The following ARNT2 variants were observed in gnomAD, a reference collection of about 807,000 sequenced individuals.
ARNT2 encodes ARNT protein 2.
ARNT2 carries 36 observed loss-of-function variants against 91.7 expected under a neutral mutation model. That is an observed-to-expected ratio of 0.39 (90% CI 0.30 to 0.52). The LOEUF (loss-of-function observed/expected upper bound fraction) is 0.52, where lower values mean the gene tolerates loss of function less well. Ranked by LOEUF, ARNT2 falls within the 20% of genes least tolerant of loss-of-function variation. The pLI is 0.72. For missense variants in ARNT2, 775 were observed against 939.3 expected, an observed-to-expected ratio of 0.83 and a Z score of 2.29; for synonymous variants, 365 against 347.1, an observed-to-expected ratio of 1.05 and a Z score of -0.57.
chr15:80,539,032 T>G (rs1028596825), intron 8 of ARNT2, among the ~76,000 whole-genome samples: 10 of 152,058 alleles, frequency 6.6e-5, no homozygotes, highest in Admixed American at 5.9e-4. Context: ...TCTTTTGTAT[T>G]TTTTTAATGA....
chr15:80,566,747 C>T (rs1250416128), intron 12 of ARNT2, among the ~76,000 whole-genome samples: 1 of 152,228 alleles, frequency 6.6e-6, no homozygotes, highest in Non-Finnish European at 1.5e-5. Flanking sequence ...AAACTCTGTC[C>T]AACCAGCTCC....
chr15:80,552,611 ACCT>A, intron 9 of ARNT2, 26 bp from the exon 10 acceptor site: 1 of 1,610,970 alleles, frequency 6.2e-7, no homozygotes, highest in Non-Finnish European at 8.5e-7. Flanking sequence ...TGTCAACACC[ACCT>A]CAACTGTGGA....
chr15:80,411,101 CT>C (rs1225413420), intron 1 of ARNT2, among the ~76,000 whole-genome samples: 6 of 152,182 alleles, frequency 3.9e-5, no homozygotes, highest in African/African-American at 1.4e-4. Context: ...TACTTTTCTT[CT>C]GGTCTCAGCT....
At position 80,475,217 on chromosome 15, in the gene ARNT2, A is replaced by G. The variant is rs1427790280; in HGVS notation, c.616A>G (p.Met206Val). 6.2e-7 allele frequency: 1 copy of G among 1,613,928 alleles called. No individual in the cohort carries two copies. The highest frequency in any genetic ancestry group is 1.1e-5 in the South Asian group (1 of 91,068). The change falls in exon 5 of 19, where the codon ATG (methionine) becomes GTG (valine). Residue 206 changes from methionine (M) to valine (V), a missense_variant. Physicochemically the swap from Met to Val is conservative, Grantham distance 21. This residue lies in a region of ARNT2 where 285 missense variants were observed against 327.2 expected (regional missense o/e 0.87). Coordinates refer to ENST00000303329, the MANE Select transcript of ARNT2 (RefSeq NM_014862.4). Reference sequence around the variant, plus strand: ...GCAACTGTGCACCTCAGAAAACTCAATGACAGGTCAGTGGAGCTCCCTTTA... The same window carrying G: ...GCAACTGTGCACCTCAGAAAACTCAGTGACAGGTCAGTGGAGCTCCCTTTA... ...REQLCTSENS[M>V]TGRILDLKTG...
intron 11 of ARNT2, among the ~76,000 whole-genome samples, chr15:80,562,689 A>G (rs1220839668): frequency 1.3e-5 from 2 of 152,220 alleles, no homozygotes; most frequent in African/African-American, 2.4e-5. Flanking sequence ...ATGTAGCTAC[A>G]TACCTGAGTG....
chr15:80,512,120 C>T (rs1256946173), intron 6 of ARNT2, among the ~76,000 whole-genome samples: 1 of 152,162 alleles, frequency 6.6e-6, no homozygotes, highest in African/African-American at 2.4e-5. Context: ...TCTATTTTCC[C>T]TAATTTAAAG....
intron 17 of ARNT2, among the ~76,000 whole-genome samples, chr15:80,587,406 TG>T (rs746838241): frequency 1.3e-5 from 2 of 150,092 alleles, no homozygotes; most frequent in African/African-American, 2.4e-5. Context: ...CTTGGTTTGG[TG>T]GGGGGGTGGG....
At chr15:80,449,356 G>A (rs780651860) in intron 1 of ARNT2, among the ~76,000 whole-genome samples, 15 of 152,138 alleles carry the variant, frequency 9.9e-5, no homozygotes, top group Non-Finnish European at 2.2e-4. Flanking sequence ...GGGACATAAT[G>A]GACTCAATGT....
At position 80,423,106 on chromosome 15, in the gene ARNT2, TCTTTG is replaced by T. The variant is rs973570700; in HGVS notation, c.31+18566_31+18570del. On this transcript the variant is annotated intron_variant, in intron 1 of 18. Coordinates refer to ENST00000303329, the MANE Select transcript of ARNT2 (RefSeq NM_014862.4). ...TGTGACTTCAGGCAGGTTCTTAGCCTCTTTGCTTTGATGTCTTGTAAAATGAGAAT... is the reference window on the plus strand; with the variant it reads ...TGTGACTTCAGGCAGGTTCTTAGCCTCTTTGATGTCTTGTAAAATGAGAAT... Among the ~76,000 whole-genome samples the T allele has an allele frequency of 3.3e-5, 5 of 152,336 alleles. No individual in the cohort carries two copies. The South Asian group carries it at 8.3e-4, about 25-fold the overall frequency.
chr15:80,414,623 T>C (rs1385936868), intron 1 of ARNT2, among the ~76,000 whole-genome samples: 2 of 152,228 alleles, frequency 1.3e-5, no homozygotes, highest in Admixed American at 1.3e-4. Flanking sequence ...TAGAACAGCA[T>C]TGATGTTTCT....
chr15:80,474,007 T>C (rs1896767031), intron 4 of ARNT2, among the ~76,000 whole-genome samples: 1 of 152,120 alleles, frequency 6.6e-6, no homozygotes, highest in Non-Finnish European at 1.5e-5. Flanking sequence ...GTTGGAAGGG[T>C]GGCCATGGAT....
At chr15:80,498,511 A>C (rs1309466404) in intron 5 of ARNT2, among the ~76,000 whole-genome samples, 1 of 152,212 alleles carries the variant, frequency 6.6e-6, no homozygotes, top group Admixed American at 6.5e-5. Flanking sequence ...AATAGGCAAA[A>C]GCTAGGCTGT....
intron 8 of ARNT2, among the ~76,000 whole-genome samples, chr15:80,522,798 ATGTG>A (rs367547537): frequency 2.9e-4 from 41 of 142,496 alleles, no homozygotes; most frequent in South Asian, 8.8e-4. Flanking sequence ...ATATTTACAT[ATGTG>A]TGTGTGTGTG....
chr15:80,451,043 A>G (rs994832320), intron 2 of ARNT2, 49 bp downstream of exon 2: 2 of 1,537,796 alleles, frequency 1.3e-6, no homozygotes, highest in African/African-American at 2.7e-5. Flanking sequence ...ATGTTGAGCA[A>G]TGCTCTTGAC....
intron 8 of ARNT2, among the ~76,000 whole-genome samples, chr15:80,519,860 ATTTTTT>A (rs539637778): frequency 2.5e-5 from 3 of 119,286 alleles, no homozygotes; most frequent in African/African-American, 9.1e-5. Flanking sequence ...AATTTTTTGT[ATTTTTT>A]TTTTTTTTTT....
chr15:80,548,133 C>A (rs1053607304), intron 8 of ARNT2, among the ~76,000 whole-genome samples: 1 of 151,872 alleles, frequency 6.6e-6, no homozygotes, highest in African/African-American at 2.4e-5. Context: ...CTGTGTGAGG[C>A]CATATTTTCT....
Position 80,556,727 on chromosome 15 carries a change from C to T in ARNT2, c.1164+1588C>T, listed in dbSNP as rs1001383652. 2.0e-5 allele frequency: 3 copies of T among 152,280 alleles called. No homozygotes were observed. The South Asian group carries it at 6.2e-4, about 32-fold the overall frequency. 9.4% of individuals were successfully genotyped at this position (152,280 alleles called of 1,614,324 possible). A position where few individuals can be genotyped will look rare whatever the true frequency, so the allele number is the denominator to read the frequency against. ...TGCACTATTAAATCTGCACAGTAGT[C>T]GGAGGAGGTAGGCATCATCATCTTC... On this transcript the variant is annotated intron_variant, in intron 11 of 18. Transcript: ENST00000303329.
At chr15:80,562,768 C>A in intron 11 of ARNT2, 1 of 329,920 alleles carries the variant, frequency 3.0e-6, no homozygotes, top group South Asian at 4.1e-5. Flanking sequence ...AAAAGAAAAA[C>A]GCTCTGGCTT....
intron 8 of ARNT2, 89 bp downstream of exon 8, chr15:80,514,494 A>G: frequency 1.8e-6 from 2 of 1,100,518 alleles, no homozygotes; most frequent in East Asian, 2.4e-5. Flanking sequence ...TCTCATAGGA[A>G]TAGGTAGGAA....
Sources: gnomAD v4.1 joint callset for allele counts (sites outside exome capture counted in the v4.1 genomes callset) on GRCh38, gnomAD v4.1.1 for gene constraint, gnomAD v4.1.1 regional missense constraint, MANE v1.5 for transcripts, NCBI Gene and HGNC (gene_info 2026-07-23, HGNC 2026-07-21) for gene names.